AADAC: variants seen among roughly 807,000 people sequenced by gnomAD.
AADAC encodes the protein arylacetamide deacetylase.
AADAC carries 17 observed loss-of-function variants against 22.7 expected under a neutral mutation model. The observed-to-expected ratio is 0.75, with a 90% CI of 0.51 to 1.12. AADAC has a LOEUF of 1.12. Ranked by LOEUF, AADAC falls within the 50% of genes most tolerant of loss-of-function variation. AADAC has a pLI of 0.00. For synonymous variants in AADAC, 167 were observed against 176.3 expected, an observed-to-expected ratio of 0.95 and a Z score of 0.42; for missense variants, 465 against 473.9, an observed-to-expected ratio of 0.98 and a Z score of 0.17.
intron 4 of AADAC, among the ~76,000 whole-genome samples, chr3:151,826,420 T>G (rs189645780): frequency 5.8e-4 from 88 of 151,992 alleles, no homozygotes; most frequent in African/African-American, 2.1e-3. Context: ...ATGAATAAAT[T>G]TATATAAAAA....
At chr3:151,818,998 T>C (rs1013707087) in intron 2 of AADAC, among the ~76,000 whole-genome samples, 3 of 151,996 alleles carry the variant, frequency 2.0e-5, no homozygotes, top group African/African-American at 7.2e-5. Flanking sequence ...TTAAGAACTC[T>C]GAACTCTAGA....
intron 4 of AADAC, among the ~76,000 whole-genome samples, chr3:151,825,992 CATATGTAGA>C (rs1716477080): frequency 9.3e-6 from 1 of 107,612 alleles, no homozygotes; most frequent in African/African-American, 3.6e-5. Flanking sequence ...TTAAGTAGAA[CATATGTAGA>C]AGGTTAGATT....
chr3:151,814,756 CA>C (rs1332124587), intron 1 of AADAC, among the ~76,000 whole-genome samples: 1 of 151,982 alleles, frequency 6.6e-6, no homozygotes, highest in Non-Finnish European at 1.5e-5. Context: ...ATTCAATGGG[CA>C]GGCTGGTTGG....
intron 1 of AADAC, 147 bp from the exon 2 acceptor site, chr3:151,817,219 C>A: frequency 1.5e-6 from 1 of 680,326 alleles, no homozygotes; most frequent in East Asian, 2.7e-5. Context: ...TTTCTGGTTT[C>A]TTTTAAAAGG....
chr3:151,822,313 A>G (rs76248492), intron 3 of AADAC, among the ~76,000 whole-genome samples: 3,263 of 152,136 alleles, frequency 0.021, 71 homozygotes, highest in Middle Eastern at 0.054. Context: ...AGGTGTATAC[A>G]CAAGAGAAAT....
chr3:151,820,638 C>T (rs896052519), intron 3 of AADAC, among the ~76,000 whole-genome samples, 186 bp downstream of exon 3: 2 of 141,970 alleles, frequency 1.4e-5, no homozygotes, highest in Non-Finnish European at 3.1e-5. Context: ...ATACCTCAGC[C>T]TCCCGAGTAG....
chr3:151,819,154 C>CT lies in AADAC; in HGVS notation c.362-1228dup, dbSNP rs572062533. Among the ~76,000 whole-genome samples, 979 of 151,842 alleles carry CT rather than the reference C, an allele frequency of 6.4e-3. 15 individuals carry two copies. Among genetic ancestry groups the CT allele is most frequent in the Middle Eastern group, 0.017 (5 of 294 alleles). On this transcript the variant is annotated intron_variant, in intron 2 of 4. Transcript: ENST00000232892. ...GAGTGCCTCATTTCTGACAGGATGACTGGGAGGGTGAGAACAGATTTCTGG... is the reference window on the plus strand; with the variant it reads ...GAGTGCCTCATTTCTGACAGGATGACTTGGGAGGGTGAGAACAGATTTCTGG...
In AADAC at chr3:151,827,556, C is replaced by G; in HGVS notation, c.604-20C>G. On this transcript the variant is annotated intron_variant, in intron 4 of 4. Coordinates refer to ENST00000232892, the MANE Select transcript of AADAC (RefSeq NM_001086.3). The stretch of plus-strand genomic sequence containing the variant: ...TTGTTTTAAATGAAAATGATTTGTG[C>G]AAATCATCTTGCTTCTCAGCTCCTT... 1 of 1,441,688 alleles carries G rather than the reference C, an allele frequency of 6.9e-7. No homozygotes were observed. Among genetic ancestry groups the G allele is most frequent in the Non-Finnish European group, 9.4e-7 (1 of 1,062,880 alleles). The allele number at this position is 1,441,688 out of a possible 1,614,324, so 89.3% of individuals were successfully genotyped here. A position where few individuals can be genotyped will look rare whatever the true frequency, so the allele number is the denominator to read the frequency against.
At position 151,824,852 on chromosome 3, in the gene AADAC, A is replaced by G. The variant is rs777751443; in HGVS notation, c.603+18A>G. 6.6e-7 allele frequency: 1 copy of G among 1,511,276 alleles called. No individual in the cohort carries two copies. Among genetic ancestry groups the G allele is most frequent in the Admixed American group, 2.3e-5 (1 of 42,582 alleles). The allele number at this position is 1,511,276 out of a possible 1,614,324, so 93.6% of individuals were successfully genotyped here. ...CTCAACAGGTATGTTCATAATTTCT[A>G]TGCTTTTTAAAAATAGCGTTTCTAC... On this transcript the variant is annotated intron_variant, in intron 4 of 4. Coordinates refer to ENST00000232892, the MANE Select transcript of AADAC (RefSeq NM_001086.3).
chr3:151,828,144 A>G lies in AADAC; in HGVS notation c.1172A>G (p.Tyr391Cys), dbSNP rs766697843. 6.4e-7 allele frequency: 1 copy of G among 1,574,246 alleles called. No homozygotes were observed. The highest frequency in any genetic ancestry group is 1.1e-5 in the South Asian group (1 of 87,302). ...ATTAGTCACAGACTTATAAATCAGT[A>G]TATTGAGTGGCTAAAGGAAAATCTA... Reference protein sequence around the residue: ...LKISHRLINQYIEWLKENL With the variant: ...LKISHRLINQCIEWLKENL Residue 391 changes from tyrosine to cysteine, a missense_variant, in exon 5 of 5, where the codon TAT becomes TGT. By Grantham distance (194) the Tyr-to-Cys change is radical. Transcript: ENST00000232892.
intron 3 of AADAC, among the ~76,000 whole-genome samples, chr3:151,821,245 A>G (rs1313532032): frequency 6.6e-6 from 1 of 152,020 alleles, no homozygotes; most frequent in Non-Finnish European, 1.5e-5. Context: ...ATAATTTTAA[A>G]TATTTAAAAT....
chr3:151,825,580 ACATT>A (rs939585847), intron 4 of AADAC, among the ~76,000 whole-genome samples: 2 of 151,914 alleles, frequency 1.3e-5, no homozygotes, highest in Non-Finnish European at 2.9e-5. Flanking sequence ...AATTATCAAC[ACATT>A]CAAAGATTCC....
rs191315159 is a variant in AADAC at position 151,822,064 on chromosome 3, C to T, written c.431+1612C>T. 2.4e-4 allele frequency among the ~76,000 whole-genome samples: 37 copies of T among 151,868 alleles called. 1 individual carries two copies. The highest frequency in any genetic ancestry group is 1.6e-3 in the Admixed American group (24 of 15,262). On this transcript the variant is annotated intron_variant, in intron 3 of 4. Transcript: ENST00000232892. ...TATTTAAATTAAAATGACCAATAAG[C>T]ACATGAAAAGATGCTCAATATCATT...
At chr3:151,814,395 C>T in intron 1 of AADAC, 95 bp downstream of exon 1, 1 of 1,269,298 alleles carries the variant, frequency 7.9e-7, no homozygotes, top group African/African-American at 1.5e-5. Context: ...GATTTATTGA[C>T]TTATTCATCT....
At chr3:151,821,199 G>GTA (rs1456025911) in intron 3 of AADAC, among the ~76,000 whole-genome samples, 1 of 151,812 alleles carries the variant, frequency 6.6e-6, no homozygotes, top group Non-Finnish European at 1.5e-5. Context: ...AGAGTCCAGC[G>GTA]TATATAGCAC....
Sources: gnomAD v4.1 joint callset for allele counts (sites outside exome capture counted in the v4.1 genomes callset) on GRCh38, gnomAD v4.1.1 for gene constraint, MANE v1.5 for transcripts, NCBI Gene and HGNC (gene_info 2026-07-23, HGNC 2026-07-21) for gene names.